PRELID2: variants seen among roughly 807,000 people sequenced by gnomAD.
PRELID2 encodes PRELI domain containing 2.
In PRELID2, 25 loss-of-function variants were observed where a neutral mutation model predicts 28.4. The observed-to-expected ratio is 0.88, with a 90% confidence interval of 0.64 to 1.23. The LOEUF is 1.23. Ranked by LOEUF, PRELID2 falls within the 50% of genes most tolerant of loss-of-function variation. The pLI is 0.00. For synonymous variants in PRELID2, 76 were observed against 71.6 expected, an observed-to-expected ratio of 1.06 and a Z score of -0.31; for missense variants, 201 against 214.4, an observed-to-expected ratio of 0.94 and a Z score of 0.39.
the PRELID2 span, among the ~76,000 whole-genome samples, chr5:145,336,518 T>A: frequency 6.6e-6 from 1 of 152,054 alleles, no homozygotes; most frequent in Admixed American, 6.6e-5. Context: ...CAGCACCATT[T>A]ATAAAATAGG....
the PRELID2 span, among the ~76,000 whole-genome samples, chr5:145,390,819 T>A: frequency 6.6e-6 from 1 of 152,166 alleles, no homozygotes; most frequent in Non-Finnish European, 1.5e-5. Flanking sequence ...AGTTAGTTAC[T>A]TCCTAGATAC....
chr5:145,703,301 C>A (rs1755457014), intron 1 of PRELID2, among the ~76,000 whole-genome samples: 1 of 152,182 alleles, frequency 6.6e-6, no homozygotes, highest in Admixed American at 6.5e-5. Context: ...TTCGTTGATT[C>A]AGCAGTTTAG....
chr5:145,550,376 A>C (rs1190511281), intron 1 of PRELID2, among the ~76,000 whole-genome samples: 1 of 152,180 alleles, frequency 6.6e-6, no homozygotes, highest in Non-Finnish European at 1.5e-5. Flanking sequence ...TCAGTAAATG[A>C]AACCAAGAAT....
At chr5:145,666,773 C>T (rs559091105) in intron 1 of PRELID2, among the ~76,000 whole-genome samples, 2 of 152,144 alleles carry the variant, frequency 1.3e-5, no homozygotes, top group East Asian at 3.9e-4. Flanking sequence ...AAGCATTTCT[C>T]GAGTCCTTGT....
At chr5:145,772,220 G>A (rs1281340186) in intron 5 of PRELID2, among the ~76,000 whole-genome samples, 1 of 151,764 alleles carries the variant, frequency 6.6e-6, no homozygotes, top group Non-Finnish European at 1.5e-5. Context: ...TGAGACCAAG[G>A]CTCAGAGAAA....
intron 5 of PRELID2, among the ~76,000 whole-genome samples, chr5:145,769,857 T>C (rs1354278503): frequency 1.3e-5 from 2 of 152,108 alleles, no homozygotes; most frequent in Non-Finnish European, 2.9e-5. Context: ...AATAGAGGAA[T>C]TAAAAATAAC....
At chr5:145,282,612 T>C in the PRELID2 span, among the ~76,000 whole-genome samples, 10 of 151,700 alleles carry the variant, frequency 6.6e-5, no homozygotes, top group Non-Finnish European at 1.3e-4. Flanking sequence ...CACCGTCTCC[T>C]GGTTTCAAGC....
chr5:145,375,193 C>T, the PRELID2 span, among the ~76,000 whole-genome samples: 35 of 152,080 alleles, frequency 2.3e-4, no homozygotes, highest in Non-Finnish European at 4.6e-4. Flanking sequence ...TTGTCATGTT[C>T]TGCTTGTTTG....
At chr5:145,381,058 A>G in the PRELID2 span, among the ~76,000 whole-genome samples, 1 of 152,196 alleles carries the variant, frequency 6.6e-6, no homozygotes, top group Admixed American at 6.5e-5. Context: ...CATAGAATTC[A>G]CCTTTTCAGT....
rs571403399 is a variant in PRELID2 at position 145,526,630 on chromosome 5, T to C, written n.71-53315A>G. Among the ~76,000 whole-genome samples, 8 of 152,192 alleles carry C rather than the reference T, an allele frequency of 5.3e-5. No homozygotes were observed. In the East Asian group the frequency reaches 1.4e-3, roughly 26 times the overall value. On this transcript the variant is annotated intron_variant and non_coding_transcript_variant, in intron 1 of 2. Transcript: ENST00000510259. ...TATAATGATCACTCTGGCTTCTCCG[T>C]GGGAAGTGTTCTAGAGGATGGAAAA...
chr5:145,423,318 T>C, the PRELID2 span, among the ~76,000 whole-genome samples: 2 of 151,076 alleles, frequency 1.3e-5, no homozygotes, highest in Non-Finnish European at 3.0e-5. Context: ...CTGGATAATA[T>C]CCTGCAGAGT....
At chr5:145,648,332 A>T (rs1017483561) in intron 1 of PRELID2, among the ~76,000 whole-genome samples, 1 of 152,180 alleles carries the variant, frequency 6.6e-6, no homozygotes, top group Admixed American at 6.5e-5. Flanking sequence ...ATAATGTTTG[A>T]AAGGATGCAA....
intron 1 of PRELID2, among the ~76,000 whole-genome samples, chr5:145,486,611 T>C (rs1163552125): frequency 6.6e-6 from 1 of 152,090 alleles, no homozygotes; most frequent in Admixed American, 6.5e-5. Context: ...ACATGTAGAA[T>C]GTAAGGTGGC....
the PRELID2 span, among the ~76,000 whole-genome samples, chr5:145,283,801 T>C: frequency 1.0e-3 from 159 of 152,294 alleles, no homozygotes; most frequent in African/African-American, 3.7e-3. Context: ...TTAGCTGGTG[T>C]TGTATTATTT....
the PRELID2 span, among the ~76,000 whole-genome samples, chr5:145,424,169 G>C: frequency 1.3e-5 from 2 of 151,854 alleles, no homozygotes; most frequent in African/African-American, 4.8e-5. Flanking sequence ...TAAGTCTGCA[G>C]AGGTTACTGC....
intron 1 of PRELID2, among the ~76,000 whole-genome samples, chr5:145,620,828 C>CAT (rs1753763908): frequency 6.6e-6 from 1 of 151,890 alleles, no homozygotes; most frequent in African/African-American, 2.4e-5. Context: ...CTGTTACACA[C>CAT]ACACACACAC....
chr5:145,821,225 GTGTGTA>G (rs1333929000), intron 2 of PRELID2, among the ~76,000 whole-genome samples: 14 of 145,296 alleles, frequency 9.6e-5, no homozygotes, highest in African/African-American at 2.0e-4. Context: ...TCTTCTGTGT[GTGTGTA>G]TGTGTGTGTA....
chr5:145,472,215 A>G (rs1048116611), intron 2 of PRELID2: 6 of 152,176 alleles, frequency 3.9e-5, no homozygotes, highest in Non-Finnish European at 8.8e-5. Flanking sequence ...CAATTCTTCA[A>G]AAGAAAATTA....
chr5:145,296,188 T>A, the PRELID2 span, among the ~76,000 whole-genome samples: 1 of 151,474 alleles, frequency 6.6e-6, no homozygotes, highest in African/African-American at 2.4e-5. Flanking sequence ...TTTATTTATT[T>A]TTTTATTTTA....
Sources: gnomAD v4.1 joint callset for allele counts (sites outside exome capture counted in the v4.1 genomes callset) on GRCh38, gnomAD v4.1.1 for gene constraint, MANE v1.5 for transcripts, NCBI Gene and HGNC (gene_info 2026-07-23, HGNC 2026-07-21) for gene names.